The following IMPA2 variants were observed in gnomAD, a reference collection of about 807,000 sequenced individuals.
The protein encoded by IMPA2 is inositol monophosphatase 2, also known as IMP 2.
Under a neutral mutation model 35.1 loss-of-function variants are expected in IMPA2, and 32 were observed. The ratio of observed to expected loss-of-function variants is 0.91; its 90% CI spans 0.69 to 1.23. The LOEUF is 1.23. Among genes scored for constraint, IMPA2 ranks in the 50% most tolerant of loss-of-function variants. IMPA2 has a pLI of 0.00. For synonymous variants in IMPA2, 135 were observed against 160.6 expected (o/e 0.84, Z 1.20); for missense variants, 334 against 387.6 (o/e 0.86, Z 1.16).
chr18:12,016,578 C>A (rs1907585597), intron 5 of IMPA2, among the ~76,000 whole-genome samples: 1 of 152,096 alleles, frequency 6.6e-6, no homozygotes, highest in Non-Finnish European at 1.5e-5. Context: ...CACCACCACA[C>A]CTGACTAATT....
intron 5 of IMPA2, among the ~76,000 whole-genome samples, chr18:12,020,179 T>TATTTATTTATTG (rs554155222): frequency 3.3e-5 from 5 of 151,116 alleles, no homozygotes; most frequent in African/African-American, 1.2e-4. Context: ...GGCCTTTATT[T>TATTTATTTATTG]ATTGATTGAT....
rs1325220577 is a variant in IMPA2, at chr18:11,991,711, C to T, written c.97-7343C>T. The stretch of plus-strand genomic sequence containing the variant: ...TCCCAAGGCCATTTGCGGAGAACCC[C>T]CTCTTACTTGGGGGAGGGTCAGCCT... On this transcript the variant is annotated intron_variant, in intron 1 of 7. Transcript: ENST00000269159. This position sits in a 1 kb window ranked among gnomAD's most constrained non-coding sequence, Gnocchi z 4.1. 1.3e-5 allele frequency among the ~76,000 whole-genome samples: 2 copies of T among 152,166 alleles called. No homozygotes were observed. Among genetic ancestry groups the T allele is most frequent in the African/African-American group, 4.8e-5 (2 of 41,436 alleles).
chr18:12,025,092 T>C (rs1333935424), intron 5 of IMPA2, among the ~76,000 whole-genome samples: 1 of 151,398 alleles, frequency 6.6e-6, no homozygotes, highest in Non-Finnish European at 1.5e-5. Context: ...GTCTCCATAG[T>C]TTTGCCTTTT....
intron 1 of IMPA2, among the ~76,000 whole-genome samples, chr18:11,996,355 A>G (rs558202219): frequency 3.9e-5 from 6 of 152,298 alleles, no homozygotes; most frequent in African/African-American, 1.2e-4. Context: ...CATTTTCTGC[A>G]GTACAGTGAT....
chr18:11,989,118 G>C (rs1439643046), intron 1 of IMPA2, among the ~76,000 whole-genome samples: 1 of 152,220 alleles, frequency 6.6e-6, no homozygotes, highest in Non-Finnish European at 1.5e-5. Context: ...GCCATGTCCC[G>C]GACAGGAGGA....
At chr18:11,999,685 C>G (rs1047793424) in intron 2 of IMPA2, among the ~76,000 whole-genome samples, 2 of 152,262 alleles carry the variant, frequency 1.3e-5, no homozygotes, top group Non-Finnish European at 2.9e-5. Context: ...TCGCCCAGGC[C>G]AGAGGGCGCA....
At position 12,013,803 on chromosome 18, in the gene IMPA2, G is replaced by A. The variant is rs149952894; in HGVS notation, c.382-462G>A. On this transcript the variant is annotated intron_variant, in intron 4 of 7. Transcript: ENST00000269159. ...CAGTCTGCGGCGGTGCCTCTTCCTC[G>A]CTGGGGCTGTCCTTGGGCTTCTGAG... is the stretch of plus-strand genomic sequence containing the variant. Among the ~76,000 whole-genome samples, 336 of 152,294 alleles carry A rather than the reference G, an allele frequency of 2.2e-3. 2 individuals carry two copies. The highest frequency in any genetic ancestry group is 7.9e-3 in the African/African-American group (327 of 41,558).
chr18:12,024,128 T>C (rs1369757850), intron 5 of IMPA2, among the ~76,000 whole-genome samples: 1 of 152,208 alleles, frequency 6.6e-6, no homozygotes, highest in African/African-American at 2.4e-5. Context: ...TTGCACCAGA[T>C]GGAATAGAGT....
intron 1 of IMPA2, 40 bp downstream of exon 1, chr18:11,981,805 G>A: frequency 8.4e-7 from 1 of 1,188,568 alleles, no homozygotes; most frequent in Non-Finnish European, 1.1e-6. Context: ...GGGCGGAGCA[G>A]AAGCGCGTGG....
intron 5 of IMPA2, among the ~76,000 whole-genome samples, chr18:12,027,176 C>T (rs933238202): frequency 2.6e-5 from 4 of 152,184 alleles, no homozygotes; most frequent in Admixed American, 6.5e-5. Context: ...TGAGGCCTGA[C>T]GGGACATGAC....
At chr18:12,027,331 C>A (rs1461722016) in intron 5 of IMPA2, among the ~76,000 whole-genome samples, 1 of 152,206 alleles carries the variant, frequency 6.6e-6, no homozygotes, top group Non-Finnish European at 1.5e-5. Flanking sequence ...CCTGCTGTTA[C>A]ATAAACGGCA....
At chr18:12,007,392 A>G (rs1598694965) in intron 2 of IMPA2, among the ~76,000 whole-genome samples, 2 of 152,222 alleles carry the variant, frequency 1.3e-5, no homozygotes, top group East Asian at 3.9e-4. Flanking sequence ...GAGCGGTCAC[A>G]GAGGTTTTCA....
At chr18:12,011,296 G>A (rs965916805) in intron 3 of IMPA2, among the ~76,000 whole-genome samples, 2 of 152,218 alleles carry the variant, frequency 1.3e-5, no homozygotes, top group Non-Finnish European at 2.9e-5. Flanking sequence ...TGTGGTGATT[G>A]TTGTGGTCTG....
chr18:11,983,362 C>A (rs2143769442), intron 1 of IMPA2, among the ~76,000 whole-genome samples: 1 of 152,262 alleles, frequency 6.6e-6, no homozygotes, highest in Admixed American at 6.5e-5. Context: ...CTTTTAGGTT[C>A]TACTGTAAAA....
intron 1 of IMPA2, among the ~76,000 whole-genome samples, chr18:11,995,227 T>C (rs1906927193): frequency 6.6e-6 from 1 of 152,204 alleles, no homozygotes; most frequent in African/African-American, 2.4e-5. Context: ...TCCTCCCTCA[T>C]TGCTCCGAGG....
rs1250314634 is a variant in IMPA2 at position 11,984,136 on chromosome 18, T to C, written c.96+2371T>C. 3.9e-5 allele frequency among the ~76,000 whole-genome samples: 6 copies of C among 152,218 alleles called. No individual in the cohort carries two copies. The East Asian group carries it at 9.6e-4, about 24-fold the overall frequency. The stretch of plus-strand genomic sequence containing the variant: ...TAAAGGTGCACTGTCCTTTCTCTCT[T>C]AGACTGGTTCCGCTCAAGGTGGCCC... On this transcript the variant is annotated intron_variant, in intron 1 of 7. Coordinates refer to ENST00000269159, the MANE Select transcript of IMPA2 (RefSeq NM_014214.3).
chr18:11,997,308 T>A (rs1906987642), intron 1 of IMPA2, among the ~76,000 whole-genome samples: 1 of 152,118 alleles, frequency 6.6e-6, no homozygotes, highest in Admixed American at 6.5e-5. Flanking sequence ...CTGGTGGCAA[T>A]GAGCAGGAAC....
intron 1 of IMPA2, among the ~76,000 whole-genome samples, 177 bp downstream of exon 1, chr18:11,981,942 C>T (rs922046529): frequency 6.6e-6 from 1 of 152,088 alleles, no homozygotes; most frequent in Non-Finnish European, 1.5e-5. Flanking sequence ...GGACACACCT[C>T]CCGCGCCCTT....
At chr18:12,001,231 A>AAAAT (rs745920871) in intron 2 of IMPA2, among the ~76,000 whole-genome samples, 13 of 152,248 alleles carry the variant, frequency 8.5e-5, no homozygotes, top group South Asian at 6.2e-4. Context: ...TCTGTCTCGA[A>AAAAT]AAATAAATAA....
Sources: gnomAD v4.1 joint callset for allele counts (sites outside exome capture counted in the v4.1 genomes callset) on GRCh38, gnomAD v4.1.1 for gene constraint, Gnocchi (gnomAD v3.1) non-coding constraint, MANE v1.5 for transcripts, NCBI Gene and HGNC (gene_info 2026-07-23, HGNC 2026-07-21) for gene names.